DNAI4: variants seen among roughly 807,000 people sequenced by gnomAD.
DNAI4 encodes the protein WD repeat domain 78.
Under a neutral mutation model 105.8 loss-of-function variants are expected in DNAI4, and 85 were observed. That is an observed-to-expected ratio of 0.80 (90% CI 0.67 to 0.96). The LOEUF is 0.96. Ranked by LOEUF, DNAI4 falls within the 40% of genes least tolerant of loss-of-function variation. The pLI is 0.00. For synonymous variants in DNAI4, 352 were observed against 331.5 expected (o/e 1.06, Z -0.67); for missense variants, 1,014 against 1,005.6 (o/e 1.01, Z -0.11).
chr1:66,905,483 A>G (rs1649174650), intron 1 of DNAI4, 108 bp from the exon 2 acceptor site: 1 of 636,656 alleles, frequency 1.6e-6, no homozygotes, highest in Admixed American at 3.9e-5. Context: ...CAATCTAAAC[A>G]TATAACAAGA....
intron 4 of DNAI4, among the ~76,000 whole-genome samples, chr1:66,878,795 A>G (rs1381223163): frequency 1.3e-5 from 2 of 152,156 alleles, no homozygotes; most frequent in Non-Finnish European, 1.5e-5. Context: ...TGCATGTACA[A>G]TGATTCAGAA....
chr1:66,903,983 T>TTA (rs944700008), intron 2 of DNAI4, among the ~76,000 whole-genome samples: 3 of 151,074 alleles, frequency 2.0e-5, no homozygotes, highest in Non-Finnish European at 4.4e-5. Context: ...GAAAATAATT[T>TTA]TATATATATA....
chr1:66,827,576 A>C (rs912664368), intron 14 of DNAI4, among the ~76,000 whole-genome samples: 1 of 152,218 alleles, frequency 6.6e-6, no homozygotes, highest in Non-Finnish European at 1.5e-5. Flanking sequence ...TATCATAAGC[A>C]AAGTCTTTTA....
intron 15 of DNAI4, among the ~76,000 whole-genome samples, chr1:66,825,579 T>G (rs1315606883): frequency 1.3e-5 from 2 of 152,242 alleles, no homozygotes; most frequent in African/African-American, 4.8e-5. Flanking sequence ...CTTCGTCATC[T>G]AAAGCAATCT....
chr1:66,862,419 A>G (rs747664161), intron 6 of DNAI4, 117 bp from the exon 7 acceptor site: 22 of 1,124,694 alleles, frequency 2.0e-5, no homozygotes, highest in Middle Eastern at 2.9e-4. Context: ...TGCCTGATGC[A>G]GTTGCCCGTG....
At chr1:66,815,487 T>C (rs1011492499) in intron 16 of DNAI4, among the ~76,000 whole-genome samples, 19 of 152,336 alleles carry the variant, frequency 1.2e-4, no homozygotes, top group African/African-American at 4.3e-4. Flanking sequence ...TAAAACTCTT[T>C]TTTGAATATT....
intron 8 of DNAI4, among the ~76,000 whole-genome samples, chr1:66,844,097 A>AC (rs1188688760): frequency 6.7e-6 from 1 of 148,984 alleles, no homozygotes; most frequent in East Asian, 2.1e-4. Flanking sequence ...AAAAAAAAAA[A>AC]AAAAAAAAAA....
intron 4 of DNAI4, among the ~76,000 whole-genome samples, chr1:66,882,680 T>C (rs1359638410): frequency 6.6e-6 from 1 of 152,156 alleles, no homozygotes; most frequent in Non-Finnish European, 1.5e-5. Context: ...TATTTATCAG[T>C]GTACTTGATT....
intron 10 of DNAI4, among the ~76,000 whole-genome samples, chr1:66,836,221 AG>A (rs1219000163): frequency 2.6e-4 from 13 of 49,964 alleles, no homozygotes; most frequent in South Asian, 1.9e-3. Context: ...AGAGAGAGAG[AG>A]AGAGAGAGAG....
chr1:66,908,664 A>T (rs1424895185), intron 1 of DNAI4, among the ~76,000 whole-genome samples: 1 of 152,200 alleles, frequency 6.6e-6, no homozygotes, highest in East Asian at 1.9e-4. Flanking sequence ...CTATATTTTA[A>T]CTCAACCTGT....
At chr1:66,833,305 A>G (rs1645907098) in intron 13 of DNAI4, among the ~76,000 whole-genome samples, 1 of 152,144 alleles carries the variant, frequency 6.6e-6, no homozygotes, top group South Asian at 2.1e-4. Flanking sequence ...TTGTTCATAG[A>G]GTTGTGCAAT....
intron 6 of DNAI4, among the ~76,000 whole-genome samples, chr1:66,870,302 C>T (rs1312767359): frequency 6.6e-6 from 1 of 151,776 alleles, no homozygotes; most frequent in Non-Finnish European, 1.5e-5. Flanking sequence ...ATTAGCTGGC[C>T]ATGGTGGTGG....
intron 13 of DNAI4, among the ~76,000 whole-genome samples, chr1:66,831,496 A>G (rs1572607091): frequency 6.6e-6 from 1 of 152,330 alleles, no homozygotes; most frequent in East Asian, 1.9e-4. Flanking sequence ...CTACTTCACC[A>G]GATTAACAAA....
Position 66,871,439 on chromosome 1 carries a change from T to C in DNAI4, c.871A>G (p.Met291Val), listed in dbSNP as rs1343869441. The C allele has an allele frequency of 1.2e-6, 2 of 1,610,712 alleles. No homozygotes were observed. Among genetic ancestry groups the C allele is most frequent in the African/African-American group, 2.7e-5 (2 of 74,990 alleles). The stretch of plus-strand genomic sequence containing the variant: ...TTTGGTGCTCCATTGAAAGTCTGCA[T>C]CATCCTTTCAACATATAGGTCATTG... Reference protein sequence around the residue: ...LGNDLYVERMMQTFNGAPKNK... With the variant: ...LGNDLYVERMVQTFNGAPKNK... Residue 291 changes from methionine (M) to valine (V), a missense_variant, in exon 6 of 17, where the codon ATG becomes GTG. Transcript: ENST00000371026.
At chr1:66,889,879 C>G (rs1647447660) in intron 4 of DNAI4, among the ~76,000 whole-genome samples, 2 of 152,162 alleles carry the variant, frequency 1.3e-5, no homozygotes, top group Non-Finnish European at 2.9e-5. Flanking sequence ...AAACCTGATT[C>G]AAAAGTCAAT....
At chr1:66,814,816 T>C (rs1645483907) in intron 16 of DNAI4, among the ~76,000 whole-genome samples, 1 of 152,222 alleles carries the variant, frequency 6.6e-6, no homozygotes, top group South Asian at 2.1e-4. Context: ...CTTAAATTCT[T>C]TCCTGATCTA....
At chr1:66,886,018 T>G (rs139893840) in intron 4 of DNAI4, among the ~76,000 whole-genome samples, 54 of 152,358 alleles carry the variant, frequency 3.5e-4, no homozygotes, top group African/African-American at 1.2e-3. Context: ...CCACAGTTCT[T>G]GGATGGCTGT....
Position 66,822,429 on chromosome 1 carries a change from C to T in DNAI4, c.2428G>A (p.Gly810Arg), listed in dbSNP as rs748686830. 4 of 1,613,662 alleles carry T rather than the reference C, an allele frequency of 2.5e-6. No individual in the cohort carries two copies. Among genetic ancestry groups the T allele is most frequent in the Non-Finnish European group, 3.4e-6 (4 of 1,179,812 alleles). The change falls in exon 16 of 17, where the codon GGA (glycine) becomes AGA (arginine). Residue 810 changes from glycine to arginine, a missense_variant. Gly to Arg is a moderately radical substitution (Grantham distance 125, BLOSUM62 -2). Transcript: ENST00000371026. ...ACAGAAACCTGTCCATCACTGTCTCCTACCAGAAGGCAATCTGTTTGTTTG... is the reference window on the plus strand; with the variant it reads ...ACAGAAACCTGTCCATCACTGTCTCTTACCAGAAGGCAATCTGTTTGTTTG... ...FAKQTDCLLV[G>R]DSDGQVSVYE... is the part of the protein sequence containing the mutation.
intron 8 of DNAI4, among the ~76,000 whole-genome samples, chr1:66,843,215 T>TG (rs1161351029): frequency 7.0e-5 from 1 of 14,186 alleles, no homozygotes; most frequent in East Asian, 1.9e-3. Flanking sequence ...AAAAAAAAGG[T>TG]GGGGGGTGGG....
Sources: gnomAD v4.1 joint callset for allele counts (sites outside exome capture counted in the v4.1 genomes callset) on GRCh38, gnomAD v4.1.1 for gene constraint, MANE v1.5 for transcripts, NCBI Gene and HGNC (gene_info 2026-07-23, HGNC 2026-07-21) for gene names.